Variants in UNC5D observed in about 807,000 individuals in gnomAD.
UNC5D encodes netrin receptor UNC5D.
Under a neutral mutation model 105.4 loss-of-function variants are expected in UNC5D, and 39 were observed. The observed-to-expected ratio is 0.37, with a 90% confidence interval of 0.29 to 0.48. The LOEUF is 0.48. UNC5D is among the 20% of genes least tolerant of loss of function. The pLI is 0.98. For synonymous variants in UNC5D, 452 were observed against 450.4 expected, an observed-to-expected ratio of 1.00 and a Z score of -0.04; for missense variants, 991 against 1,202.4, an observed-to-expected ratio of 0.82 and a Z score of 2.60.
At chr8:35,638,540 A>C (rs2131116142) in intron 4 of UNC5D, among the ~76,000 whole-genome samples, 1 of 152,138 alleles carries the variant, frequency 6.6e-6, no homozygotes, top group African/African-American at 2.4e-5. Context: ...CACACCTGTA[A>C]TCCTAGTGCC....
chr8:35,508,983 T>C (rs1430092947), intron 1 of UNC5D, among the ~76,000 whole-genome samples: 1 of 152,164 alleles, frequency 6.6e-6, no homozygotes, highest in Non-Finnish European at 1.5e-5. Flanking sequence ...AGGTCTAAGG[T>C]AAATGAAAAA....
At chr8:35,314,585 T>C (rs887733283) in intron 1 of UNC5D, among the ~76,000 whole-genome samples, 3 of 152,106 alleles carry the variant, frequency 2.0e-5, no homozygotes, top group Non-Finnish European at 2.9e-5. Flanking sequence ...AATCATCTAA[T>C]TTATTTAAAA....
At chr8:35,623,226 C>T (rs935350361) in intron 4 of UNC5D, among the ~76,000 whole-genome samples, 8 of 152,078 alleles carry the variant, frequency 5.3e-5, no homozygotes, top group Non-Finnish European at 1.0e-4. Flanking sequence ...CCATACCAAG[C>T]CTGGGGAGGA....
In UNC5D at chr8:35,585,552, GTA is replaced by G. The variant is rs1279651055; in HGVS notation, c.467-9996_467-9995del. Among the ~76,000 whole-genome samples, 169 of 145,020 alleles carry G rather than the reference GTA, an allele frequency of 1.2e-3. 1 individual carries two copies. The highest frequency in any genetic ancestry group is 4.1e-3 in the African/African-American group (160 of 39,382). The stretch of plus-strand genomic sequence containing the variant: ...TGTGTGTGTGTGTGTGTGTGTGTGT[GTA>G]TATATGTACATATATATTCATTCTA... On this transcript the variant is annotated intron_variant, in intron 3 of 16. Coordinates refer to ENST00000404895, the MANE Select transcript of UNC5D (RefSeq NM_080872.4).
intron 1 of UNC5D, among the ~76,000 whole-genome samples, chr8:35,367,869 C>T (rs544044396): frequency 5.3e-5 from 8 of 152,280 alleles, no homozygotes; most frequent in Admixed American, 2.6e-4. Flanking sequence ...GTTGGCCACA[C>T]ATAAATCATT....
At chr8:35,465,116 C>T (rs180712861) in intron 1 of UNC5D, among the ~76,000 whole-genome samples, 6 of 152,280 alleles carry the variant, frequency 3.9e-5, no homozygotes, top group Admixed American at 2.0e-4. Flanking sequence ...CTTGGCTGGG[C>T]GCGGTGGCTC....
chr8:35,742,865 T>A (rs1216037333), intron 11 of UNC5D, among the ~76,000 whole-genome samples: 1 of 152,174 alleles, frequency 6.6e-6, no homozygotes, highest in Non-Finnish European at 1.5e-5. Flanking sequence ...TACTACGTGG[T>A]AAGGTCTGGA....
intron 4 of UNC5D, among the ~76,000 whole-genome samples, chr8:35,632,099 A>G (rs1212494347): frequency 6.6e-6 from 1 of 152,208 alleles, no homozygotes; most frequent in Admixed American, 6.5e-5. Flanking sequence ...TTGCATTTCA[A>G]CAGAGCAAGC....
chr8:35,619,233 C>T (rs1271845985), intron 4 of UNC5D, among the ~76,000 whole-genome samples: 2 of 152,126 alleles, frequency 1.3e-5, no homozygotes, highest in Admixed American at 6.5e-5. Context: ...GGGTGATCAA[C>T]CAAGACATTG....
At chr8:35,373,967 G>A (rs1002880871) in intron 1 of UNC5D, among the ~76,000 whole-genome samples, 60 of 152,256 alleles carry the variant, frequency 3.9e-4, no homozygotes, top group African/African-American at 1.3e-3. Flanking sequence ...CTTCAGGGAA[G>A]GGAGCGCAAG....
intron 11 of UNC5D, among the ~76,000 whole-genome samples, chr8:35,748,009 A>G (rs1020486698): frequency 6.6e-6 from 1 of 152,240 alleles, no homozygotes; most frequent in Non-Finnish European, 1.5e-5. Flanking sequence ...AATGTTTTCA[A>G]AGCCAGAATA....
At chr8:35,600,136 C>A (rs1370224275) in intron 4 of UNC5D, among the ~76,000 whole-genome samples, 1 of 152,150 alleles carries the variant, frequency 6.6e-6, no homozygotes, top group African/African-American at 2.4e-5. Context: ...ATGAACTCAT[C>A]ATTTTTTATG....
At chr8:35,786,558 A>G (rs1248055172) in intron 16 of UNC5D, among the ~76,000 whole-genome samples, 1 of 152,046 alleles carries the variant, frequency 6.6e-6, no homozygotes, top group Non-Finnish European at 1.5e-5. Flanking sequence ...AAGCCTCAAA[A>G]CCTAGTTTGT....
intron 1 of UNC5D, among the ~76,000 whole-genome samples, chr8:35,305,056 C>T (rs543021905): frequency 2.0e-5 from 3 of 152,152 alleles, no homozygotes; most frequent in African/African-American, 4.8e-5. Flanking sequence ...TCCAGCTTTA[C>T]TCTGAAGGTC....
At chr8:35,387,414 T>A (rs2128937647) in intron 1 of UNC5D, among the ~76,000 whole-genome samples, 1 of 150,216 alleles carries the variant, frequency 6.7e-6, no homozygotes, top group African/African-American at 2.5e-5. Flanking sequence ...GTCCATCTGA[T>A]GCATTCCCAA....
chr8:35,271,713 T>TATACATGTATACATATATATGTATATATG (rs1563268302), intron 1 of UNC5D, among the ~76,000 whole-genome samples: 1 of 85,392 alleles, frequency 1.2e-5, no homozygotes. Context: ...ACATATATAT[T>TATACATGTATACATATATATGTATATATG]TATACATGTA....
Position 35,245,791 on chromosome 8 carries a change from A to C in UNC5D, c.103+9904A>C, listed in dbSNP as rs145242642. On this transcript the variant is annotated intron_variant, in intron 1 of 16. Transcript: ENST00000404895. Reference sequence around the variant, plus strand: ...AATTGTCAAGGTGATAAGGACTGTAATTCATGGATATCTGTGTGTATTATA... The same window carrying C: ...AATTGTCAAGGTGATAAGGACTGTACTTCATGGATATCTGTGTGTATTATA... Among the ~76,000 whole-genome samples, 11 of 152,230 alleles carry C rather than the reference A, an allele frequency of 7.2e-5. No individual in the cohort carries two copies. In the East Asian group the frequency reaches 2.1e-3, roughly 29 times the overall value.
intron 3 of UNC5D, among the ~76,000 whole-genome samples, chr8:35,592,631 G>A (rs1242044957): frequency 1.3e-5 from 2 of 152,148 alleles, no homozygotes; most frequent in Non-Finnish European, 2.9e-5. Context: ...GGATTCAAAA[G>A]TTTGCCCTCC....
chr8:35,589,160 T>C (rs897626822), intron 3 of UNC5D, among the ~76,000 whole-genome samples: 1 of 152,196 alleles, frequency 6.6e-6, no homozygotes, highest in African/African-American at 2.4e-5. Flanking sequence ...TGATTTTTAT[T>C]ACTAACATGC....
Sources: gnomAD v4.1 joint callset for allele counts (sites outside exome capture counted in the v4.1 genomes callset) on GRCh38, gnomAD v4.1.1 for gene constraint, MANE v1.5 for transcripts, NCBI Gene and HGNC (gene_info 2026-07-23, HGNC 2026-07-21) for gene names.